FARP2: variants seen among roughly 807,000 people sequenced by gnomAD.
FARP2 encodes FERM, ARHGEF and pleckstrin domain-containing protein 2.
FARP2 carries 111 observed loss-of-function variants against 130.5 expected under a neutral mutation model. The ratio of observed to expected loss-of-function variants is 0.85; its 90% CI spans 0.73 to 1.00. The LOEUF (loss-of-function observed/expected upper bound fraction) is 1.00, where lower values mean the gene tolerates loss of function less well. Among genes scored for constraint, FARP2 ranks in the 50% least tolerant of loss-of-function variants. The probability of loss-of-function intolerance (pLI) is 0.00; values close to 1 mark genes in which losing one functional copy is unlikely to be tolerated. For synonymous variants in FARP2, 504 were observed against 516.9 expected (o/e 0.98, Z 0.34); for missense variants, 1,385 against 1,346.3 (o/e 1.03, Z -0.45).
chr2:241,464,276 G>T (rs2064108989), intron 17 of FARP2, among the ~76,000 whole-genome samples: 1 of 150,962 alleles, frequency 6.6e-6, no homozygotes. Context: ...CTGAGAACAG[G>T]GTTCCCCTCA....
intron 8 of FARP2, among the ~76,000 whole-genome samples, chr2:241,418,584 T>C (rs571702304): frequency 1.3e-5 from 2 of 152,328 alleles, no homozygotes; most frequent in South Asian, 4.1e-4. Flanking sequence ...TAGAATAGAA[T>C]AGAAAATATC....
intron 12 of FARP2, among the ~76,000 whole-genome samples, chr2:241,439,116 G>A (rs1413929781): frequency 6.6e-6 from 1 of 151,246 alleles, no homozygotes; most frequent in Non-Finnish European, 1.5e-5. Flanking sequence ...CCCAGGCTCC[G>A]GTGATCCTTC....
At chr2:241,484,756 G>T (rs1026140645) in intron 21 of FARP2, among the ~76,000 whole-genome samples, 1 of 152,122 alleles carries the variant, frequency 6.6e-6, no homozygotes, top group Non-Finnish European at 1.5e-5. Flanking sequence ...CCTCATTTTA[G>T]CATGATCCAG....
At chr2:241,441,278 T>C (rs769112965) in intron 12 of FARP2, 26 bp from the exon 13 acceptor site, 3 of 1,542,460 alleles carry the variant, frequency 1.9e-6, no homozygotes, top group Non-Finnish European at 2.6e-6. Flanking sequence ...ATATCCTTTT[T>C]TTCTTTTCTT....
intron 17 of FARP2, chr2:241,466,166 G>T: frequency 9.4e-7 from 1 of 1,061,728 alleles, no homozygotes; most frequent in Non-Finnish European, 1.1e-6. Flanking sequence ...ACCCCAGGTT[G>T]GGATCAGGGA....
intron 8 of FARP2, among the ~76,000 whole-genome samples, chr2:241,422,135 A>G (rs1425019219): frequency 6.6e-6 from 1 of 150,378 alleles, no homozygotes; most frequent in Non-Finnish European, 1.5e-5. Context: ...ACAGAGCGAG[A>G]CTGTCTCAAA....
At chr2:241,403,778 G>A (rs2062256627) in intron 2 of FARP2, 50 bp from the exon 3 acceptor site, 1 of 1,143,498 alleles carries the variant, frequency 8.7e-7, no homozygotes, top group Admixed American at 1.8e-5. Context: ...ATAAACCCTT[G>A]CTGTTTAGTC....
intron 21 of FARP2, among the ~76,000 whole-genome samples, chr2:241,484,695 T>C (rs4675947): frequency 0.37 from 57,032 of 152,160 alleles, 10,964 homozygotes; most frequent in Admixed American, 0.52. Context: ...GTGACATCCA[T>C]GCCAGCCCTC....
chr2:241,466,087 A>C (rs1574881704), intron 17 of FARP2: 1 of 1,102,882 alleles, frequency 9.1e-7, no homozygotes, highest in Non-Finnish European at 1.1e-6. Flanking sequence ...TGATATTAAA[A>C]CCCTTTAGCT....
chr2:241,397,038 C>T (rs1254544044), intron 2 of FARP2, among the ~76,000 whole-genome samples: 1 of 152,160 alleles, frequency 6.6e-6, no homozygotes. Context: ...TTTGTAGGGA[C>T]ATGGGTGAAA....
chr2:241,406,832 G>A (rs989176209), intron 4 of FARP2, among the ~76,000 whole-genome samples: 4 of 151,586 alleles, frequency 2.6e-5, no homozygotes, highest in African/African-American at 9.7e-5. Context: ...TTTTGAGACG[G>A]AGTCTCGCTC....
At chr2:241,487,314 C>T (rs1285443810) in intron 21 of FARP2, among the ~76,000 whole-genome samples, 2 of 152,150 alleles carry the variant, frequency 1.3e-5, no homozygotes, top group Admixed American at 1.3e-4. Context: ...ACAGACACTC[C>T]TCAACTTATG....
rs909877758 is a variant in FARP2, at chr2:241,494,285, G to A, written c.*160G>A. 6 of 427,094 alleles carry A rather than the reference G, an allele frequency of 1.4e-5. No homozygotes were observed. Among genetic ancestry groups the A allele is most frequent in the Non-Finnish European group, 2.1e-5 (5 of 236,980 alleles). 26.5% of individuals were successfully genotyped at this position (427,094 alleles called of 1,614,324 possible). On this transcript the variant is annotated 3_prime_UTR_variant, in exon 27 of 27. Transcript: ENST00000264042. This position sits in a 1 kb window ranked among gnomAD's most constrained non-coding sequence, Gnocchi z 4.9. Reference sequence around the variant, plus strand: ...TGGGCCTCATGTAACATCTGGGAGGGGCTTCATCCCCCCACCCAGGACCTA... The same window carrying A: ...TGGGCCTCATGTAACATCTGGGAGGAGCTTCATCCCCCCACCCAGGACCTA...
Position 241,491,502 on chromosome 2 carries a change from T to C in FARP2, c.2624-14T>C. On this transcript the variant is annotated splice_polypyrimidine_tract_variant and intron_variant, in intron 23 of 26. Coordinates refer to ENST00000264042, the MANE Select transcript of FARP2 (RefSeq NM_014808.4). ...CAGGGGGTTCCCCCTGAGACGCTGCTGACTTCTCCCCAGGATCCCCCAACG... is the reference window on the plus strand; with the variant it reads ...CAGGGGGTTCCCCCTGAGACGCTGCCGACTTCTCCCCAGGATCCCCCAACG... 6.2e-7 allele frequency: 1 copy of C among 1,612,788 alleles called. No homozygotes were observed. The highest frequency in any genetic ancestry group is 8.5e-7 in the Non-Finnish European group (1 of 1,179,778).
intron 2 of FARP2, among the ~76,000 whole-genome samples, chr2:241,392,949 G>GA (rs577909105): frequency 0.1 from 14,185 of 136,974 alleles, 720 homozygotes; most frequent in Middle Eastern, 0.12. Flanking sequence ...TCTCAAAAAA[G>GA]AAAAAAAAAA....
intron 8 of FARP2, among the ~76,000 whole-genome samples, chr2:241,424,046 C>T (rs1415839111): frequency 6.6e-6 from 1 of 152,156 alleles, no homozygotes; most frequent in Non-Finnish European, 1.5e-5. Context: ...TTAGACAGAT[C>T]ATCAAGACAG....
intron 13 of FARP2, among the ~76,000 whole-genome samples, chr2:241,454,340 A>G (rs528708648): frequency 5.9e-4 from 90 of 152,344 alleles, no homozygotes; most frequent in African/African-American, 2.2e-3. Context: ...AGGGCAGAAT[A>G]GTGAAGGCCG....
At chr2:241,463,626 C>G in intron 16 of FARP2, 158 bp downstream of exon 16, 2 of 798,738 alleles carry the variant, frequency 2.5e-6, no homozygotes. Context: ...TGTAATAATA[C>G]CCTTTATTCA....
At chr2:241,472,208 C>G (rs2064339677) in intron 18 of FARP2, among the ~76,000 whole-genome samples, 1 of 149,428 alleles carries the variant, frequency 6.7e-6, no homozygotes, top group South Asian at 2.2e-4. Flanking sequence ...CCATGGGAAC[C>G]CTGTTCTGAG....
Sources: allele counts gnomAD v4.1 joint callset (sites outside exome capture counted in the v4.1 genomes callset), GRCh38; gene constraint gnomAD v4.1.1; non-coding constraint Gnocchi (gnomAD v3.1); transcripts MANE v1.5; gene names NCBI Gene and HGNC (gene_info 2026-07-23, HGNC 2026-07-21).